Variants in AXDND1 observed in about 807,000 individuals in gnomAD.
AXDND1 encodes the protein axonemal dynein light chain domain containing 1, also known as axonemal dynein light chain domain-containing protein 1.
In AXDND1, 110 loss-of-function variants were observed where a neutral mutation model predicts 137.5. The ratio of observed to expected loss-of-function variants is 0.80; its 90% CI spans 0.69 to 0.94. AXDND1 has a LOEUF of 0.94. Ranked by LOEUF, AXDND1 falls within the 40% of genes least tolerant of loss-of-function variation. AXDND1 has a pLI of 0.00. For missense variants in AXDND1, 1,191 were observed against 1,169.8 expected (o/e 1.02, Z -0.26); for synonymous variants, 414 against 399.7 (o/e 1.04, Z -0.43).
At chr1:179,530,368 C>T (rs1166661022) in intron 23 of AXDND1, among the ~76,000 whole-genome samples, 1 of 152,128 alleles carries the variant, frequency 6.6e-6, no homozygotes, top group African/African-American at 2.4e-5. Context: ...CAGGTAGAAG[C>T]TTTTTATCTG....
At chr1:179,440,491 G>A (rs1425876020) in intron 15 of AXDND1, among the ~76,000 whole-genome samples, 2 of 152,250 alleles carry the variant, frequency 1.3e-5, no homozygotes, top group African/African-American at 4.8e-5. Flanking sequence ...ATAGGTTACA[G>A]CATTCTACAG....
At chr1:179,517,053 T>A (rs186519836) in intron 21 of AXDND1, among the ~76,000 whole-genome samples, 1 of 152,278 alleles carries the variant, frequency 6.6e-6, no homozygotes, top group East Asian at 1.9e-4. Flanking sequence ...ACCCACCCTT[T>A]GTCTTCAGCT....
intron 6 of AXDND1, among the ~76,000 whole-genome samples, chr1:179,380,373 G>T (rs985615082): frequency 2.6e-5 from 4 of 152,078 alleles, no homozygotes; most frequent in Non-Finnish European, 4.4e-5. Flanking sequence ...ATTTAATTTT[G>T]AATTTTTTAA....
At chr1:179,501,211 A>G (rs1399029513) in intron 20 of AXDND1, among the ~76,000 whole-genome samples, 1 of 152,198 alleles carries the variant, frequency 6.6e-6, no homozygotes, top group Non-Finnish European at 1.5e-5. Context: ...AAGAACCAAG[A>G]ATAGCTAACA....
At chr1:179,508,713 A>ATT (rs201410478) in intron 20 of AXDND1, among the ~76,000 whole-genome samples, 17 of 147,962 alleles carry the variant, frequency 1.1e-4, no homozygotes, top group African/African-American at 3.2e-4. Flanking sequence ...CAGTAGAGGG[A>ATT]TTTTTTTTTT....
At position 179,366,606 on chromosome 1, in the gene AXDND1, G is replaced by C. The variant is rs1667433464; in HGVS notation, c.97G>C (p.Gly33Arg). 6.2e-7 allele frequency: 1 copy of C among 1,602,844 alleles called. No individual in the cohort carries two copies. Among genetic ancestry groups the C allele is most frequent in the African/African-American group, 1.3e-5 (1 of 74,674 alleles). ...GTCTGTAGCCAAGGAAGGGACAAGA[G>C]GTAAACTTCGTTGATTCTGAAGTCA... is the stretch of plus-strand genomic sequence containing the variant. ...KVSVAKEGTR[G>R]LPELKEKKNM... Residue 33 changes from glycine to arginine, a missense_variant and splice_region_variant, in exon 2 of 26, where the codon GGA becomes CGA. Coordinates refer to ENST00000367618, the MANE Select transcript of AXDND1 (RefSeq NM_144696.6).
At chr1:179,460,595 T>G (rs61826007) in intron 16 of AXDND1, among the ~76,000 whole-genome samples, 25,490 of 152,130 alleles carry the variant, frequency 0.17, 2,472 homozygotes, top group East Asian at 0.35. Flanking sequence ...AAATGGTATT[T>G]CTAGTTGTAG....
intron 23 of AXDND1, among the ~76,000 whole-genome samples, chr1:179,532,815 G>T (rs1371960278): frequency 1.3e-5 from 2 of 152,112 alleles, no homozygotes; most frequent in Non-Finnish European, 2.9e-5. Flanking sequence ...AGCCTGTGAG[G>T]TCAAGGCTAC....
intron 25 of AXDND1, chr1:179,545,209 TG>T (rs1672534324): frequency 6.6e-6 from 1 of 152,224 alleles, no homozygotes; most frequent in Non-Finnish European, 1.5e-5. Context: ...TCTGAACACC[TG>T]TGGCAAGATT....
intron 2 of AXDND1, 43 bp downstream of exon 2, chr1:179,366,649 A>G: frequency 6.6e-7 from 1 of 1,514,342 alleles, no homozygotes; most frequent in South Asian, 1.1e-5. Context: ...TCATGGCCGT[A>G]AGACAGAAAT....
At chr1:179,534,079 A>C (rs543241859) in intron 24 of AXDND1, among the ~76,000 whole-genome samples, 1 of 152,342 alleles carries the variant, frequency 6.6e-6, no homozygotes, top group East Asian at 1.9e-4. Flanking sequence ...TACAGTGGAA[A>C]GATAGAGGAA....
chr1:179,435,329 T>C (rs915214213), intron 15 of AXDND1, among the ~76,000 whole-genome samples: 1 of 152,144 alleles, frequency 6.6e-6, no homozygotes, highest in Non-Finnish European at 1.5e-5. Context: ...CTTCACAGAA[T>C]TAGAAAAGAC....
intron 6 of AXDND1, among the ~76,000 whole-genome samples, chr1:179,381,448 A>G (rs6425538): frequency 0.32 from 48,668 of 150,314 alleles, 8,298 homozygotes; most frequent in Middle Eastern, 0.44. Context: ...GGTTCAAGCA[A>G]TTCTCATGCC....
At chr1:179,516,614 C>G (rs900861704) in intron 21 of AXDND1, among the ~76,000 whole-genome samples, 2 of 152,166 alleles carry the variant, frequency 1.3e-5, no homozygotes, top group Non-Finnish European at 2.9e-5. Flanking sequence ...GAGCTGAAGT[C>G]TTTTGTTCAG....
intron 23 of AXDND1, among the ~76,000 whole-genome samples, chr1:179,529,038 C>T (rs192017652): frequency 1.1e-4 from 16 of 152,262 alleles, no homozygotes; most frequent in Admixed American, 2.0e-4. Flanking sequence ...CAATAACTGT[C>T]GGGAAACTGG....
intron 1 of AXDND1, 175 bp downstream of exon 1, chr1:179,366,175 T>TG (rs1667371399): frequency 6.0e-6 from 1 of 166,878 alleles, no homozygotes; most frequent in East Asian, 1.7e-4. Flanking sequence ...CCACCAGGGG[T>TG]GCCGGCGGTC....
intron 14 of AXDND1, 29 bp downstream of exon 14, chr1:179,430,635 A>G (rs377606242): frequency 3.3e-5 from 52 of 1,593,970 alleles, no homozygotes; most frequent in Non-Finnish European, 4.4e-5. Flanking sequence ...TGTTTTTCTG[A>G]TTATACTTAT....
chr1:179,447,546 T>C, intron 16 of AXDND1: 1 of 723,740 alleles, frequency 1.4e-6, no homozygotes, highest in Non-Finnish European at 2.2e-6. Context: ...CTACAGGCTA[T>C]GTATAAAATA....
In AXDND1 at chr1:179,534,894, A is replaced by C. The variant is rs761757715; in HGVS notation, c.2963A>C (p.Glu988Ala). Residue 988 changes from glutamate (E) to alanine (A), a missense_variant, in exon 25 of 26, where the codon GAA (glutamate) becomes GCA (alanine). Physicochemically the swap from Glu to Ala is moderately radical, Grantham distance 107 (BLOSUM62 -1). Transcript: ENST00000367618. ...AATCAAGATGAAAGAGAAGTAAAAG[A>C]AGAAGAAGAACAACAAGAAGAAGAA... is the stretch of plus-strand genomic sequence containing the variant. ...KENQDEREVK[E>A]EEEQQEEEEV... The C allele has an allele frequency of 3.9e-6, 6 of 1,527,800 alleles. No homozygotes were observed. The allele number at this position is 1,527,800 out of a possible 1,614,324, so 94.6% of individuals were successfully genotyped here.
Sources: gnomAD v4.1 joint callset for allele counts (sites outside exome capture counted in the v4.1 genomes callset) on GRCh38, gnomAD v4.1.1 for gene constraint, MANE v1.5 for transcripts, NCBI Gene and HGNC (gene_info 2026-07-23, HGNC 2026-07-21) for gene names.